The following CDH8 variants were observed in gnomAD, a reference collection of about 807,000 sequenced individuals.
CDH8 encodes cadherin-8.
In CDH8, 17 loss-of-function variants were observed where a neutral mutation model predicts 68.1. That is an observed-to-expected ratio of 0.25 (90% CI 0.17 to 0.37). The LOEUF is 0.37. Ranked by LOEUF, CDH8 falls within the 10% of genes least tolerant of loss-of-function variation. The pLI is 1.00. For synonymous variants in CDH8, 372 were observed against 365.1 expected, an observed-to-expected ratio of 1.02 and a Z score of -0.21; for missense variants, 763 against 999.3, an observed-to-expected ratio of 0.76 and a Z score of 3.19.
intron 9 of CDH8, among the ~76,000 whole-genome samples, chr16:61,722,179 G>C (rs533560143): frequency 6.6e-6 from 1 of 150,634 alleles, no homozygotes; most frequent in Admixed American, 6.7e-5. Flanking sequence ...AACAAACTGA[G>C]GTCATTGTCC....
chr16:61,791,075 A>T (rs1278910919), intron 7 of CDH8, among the ~76,000 whole-genome samples: 1 of 151,974 alleles, frequency 6.6e-6, no homozygotes, highest in Non-Finnish European at 1.5e-5. Context: ...TTTATTGAGA[A>T]ATCATTTGAA....
chr16:61,800,138 C>G (rs143776178), intron 7 of CDH8, among the ~76,000 whole-genome samples: 1 of 152,270 alleles, frequency 6.6e-6, no homozygotes, highest in Admixed American at 6.5e-5. Context: ...GTCTCTCAAC[C>G]TTAAAACTAG....
chr16:61,750,006 C>T (rs1312393785), intron 8 of CDH8, among the ~76,000 whole-genome samples: 2 of 152,010 alleles, frequency 1.3e-5, no homozygotes, highest in African/African-American at 4.8e-5. Context: ...GATCCTGTCA[C>T]CCAGGTAGTC....
chr16:61,745,416 T>C (rs1596925286), intron 8 of CDH8, among the ~76,000 whole-genome samples: 1 of 151,980 alleles, frequency 6.6e-6, no homozygotes, highest in African/African-American at 2.4e-5. Flanking sequence ...ATTTGAAAAT[T>C]TGTGACCATT....
rs755774311 is a variant in CDH8, at chr16:61,653,422, C to T, written c.*186G>A. The stretch of plus-strand genomic sequence containing the variant: ...AATTCACACTCCACAAGATTTATAA[C>T]CTCCTAACATATACTTTTTTATTTT... On this transcript the variant is annotated 3_prime_UTR_variant, in exon 12 of 12. Coordinates refer to ENST00000577390, the MANE Select transcript of CDH8 (RefSeq NM_001796.5). 2.1e-4 allele frequency: 298 copies of T among 1,395,018 alleles called. No homozygotes were observed. The highest frequency in any genetic ancestry group is 2.7e-4 in the Non-Finnish European group (291 of 1,077,898). The allele number at this position is 1,395,018 out of a possible 1,614,324, so 86.4% of individuals were successfully genotyped here. A position where few individuals can be genotyped will look rare whatever the true frequency, so the allele number is the denominator to read the frequency against.
rs1181394965 is a variant in CDH8, at chr16:61,959,984, GTATATATATATA to G, written c.253-58523_253-58512del. Among the ~76,000 whole-genome samples, 5 of 44,556 alleles carry G rather than the reference GTATATATATATA, an allele frequency of 1.1e-4. 1 individual carries two copies. Among genetic ancestry groups the G allele is most frequent in the Non-Finnish European group, 2.0e-4 (5 of 24,724 alleles). The allele number at this position is 44,556 out of a possible 152,430, so 29.2% of individuals were successfully genotyped here. A position where few individuals can be genotyped will look rare whatever the true frequency, so the allele number is the denominator to read the frequency against. On this transcript the variant is annotated intron_variant, in intron 2 of 11. Transcript: ENST00000577390. ...GTATGTGGTGTATGTGTGTGTGTGT[GTATATATATATA>G]TATATATATATATATATATACACAC...
rs1965110592 is a variant in CDH8 at position 61,960,258 on chromosome 16, T to TATATACGTGTGTGTGTATACAC, written c.253-58786_253-58785insGTGTATACACACACACGTATAT. Among the ~76,000 whole-genome samples, 38 of 51,828 alleles carry TATATACGTGTGTGTGTATACAC rather than the reference T, an allele frequency of 7.3e-4. 12 individuals carry two copies. The highest frequency in any genetic ancestry group is 1.7e-3 in the Admixed American group (9 of 5,276). The allele number at this position is 51,828 out of a possible 152,430, so 34.0% of individuals were successfully genotyped here. On this transcript the variant is annotated intron_variant, in intron 2 of 11. Transcript: ENST00000577390. ...ATATACATGTGTGTGTGTATACACA[T>TATATACGTGTGTGTGTATACAC]ACATATATACGTGTGTGTGTATACA... is the stretch of plus-strand genomic sequence containing the variant.
intron 10 of CDH8, among the ~76,000 whole-genome samples, chr16:61,658,044 C>T (rs1055524550): frequency 6.6e-6 from 1 of 152,034 alleles, no homozygotes; most frequent in Non-Finnish European, 1.5e-5. Flanking sequence ...CCTGCCAGTT[C>T]CAGGCAACAT....
At chr16:61,845,799 G>A (rs1962795147) in intron 4 of CDH8, among the ~76,000 whole-genome samples, 7 of 152,012 alleles carry the variant, frequency 4.6e-5, no homozygotes, top group South Asian at 4.1e-4. Context: ...TTCTGCCCAT[G>A]AGAACTCAAA....
At chr16:62,008,199 A>T (rs1230914018) in intron 2 of CDH8, among the ~76,000 whole-genome samples, 1 of 151,988 alleles carries the variant, frequency 6.6e-6, no homozygotes, top group Non-Finnish European at 1.5e-5. Context: ...AGCCTCCCAA[A>T]GCACTGGGAT....
At chr16:62,030,869 T>G (rs1316653318) in intron 1 of CDH8, among the ~76,000 whole-genome samples, 2 of 152,130 alleles carry the variant, frequency 1.3e-5, no homozygotes, top group African/African-American at 2.4e-5. Context: ...CCAGGTATCC[T>G]GCTGATTAAT....
chr16:61,908,482 T>A (rs1964100454), intron 2 of CDH8, among the ~76,000 whole-genome samples: 1 of 152,184 alleles, frequency 6.6e-6, no homozygotes, highest in Non-Finnish European at 1.5e-5. Flanking sequence ...ACCAAAAAGA[T>A]CAGGAGTAAG....
chr16:61,792,469 C>A (rs1961399967), intron 7 of CDH8, among the ~76,000 whole-genome samples: 2 of 151,950 alleles, frequency 1.3e-5, no homozygotes, highest in African/African-American at 4.8e-5. Flanking sequence ...CTAAACAGCA[C>A]AAAAATTCTG....
At chr16:61,817,202 C>T (rs1962094522) in intron 7 of CDH8, among the ~76,000 whole-genome samples, 1 of 152,038 alleles carries the variant, frequency 6.6e-6, no homozygotes. Flanking sequence ...ACATTTGCAA[C>T]TTTGCATTTT....
intron 4 of CDH8, 92 bp downstream of exon 4, chr16:61,857,027 T>G: frequency 6.9e-7 from 1 of 1,443,506 alleles, no homozygotes; most frequent in Non-Finnish European, 9.7e-7. Context: ...AGTGAAGTAC[T>G]TACACATAAT....
intron 2 of CDH8, among the ~76,000 whole-genome samples, chr16:61,963,024 T>C (rs1177256969): frequency 1.3e-5 from 2 of 152,242 alleles, no homozygotes; most frequent in South Asian, 2.1e-4. Context: ...AAGCACAGTT[T>C]ACCTTAAAAT....
Position 61,647,819 on chromosome 16 carries a change from A to G in CDH8, c.*5789T>C, listed in dbSNP as rs920518603. 4.3e-6 allele frequency: 3 copies of G among 699,776 alleles called. No individual in the cohort carries two copies. The highest frequency in any genetic ancestry group is 2.6e-6 in the Non-Finnish European group (1 of 383,002). 43.3% of individuals were successfully genotyped at this position (699,776 alleles called of 1,614,324 possible). A position where few individuals can be genotyped will look rare whatever the true frequency, so the allele number is the denominator to read the frequency against. On this transcript the variant is annotated 3_prime_UTR_variant, in exon 12 of 12. Transcript: ENST00000577390. ...CCTGACCTCTGAGTTCATTGAAGCC[A>G]TGGTTTTCCACAGTCTTTCTCTTCA...
At chr16:61,658,715 T>C (rs571813418) in intron 10 of CDH8, among the ~76,000 whole-genome samples, 1 of 152,268 alleles carries the variant, frequency 6.6e-6, no homozygotes, top group African/African-American at 2.4e-5. Flanking sequence ...GCTATTATTG[T>C]TCATTTGCTA....
intron 8 of CDH8, among the ~76,000 whole-genome samples, chr16:61,754,983 C>T (rs1268708756): frequency 6.6e-6 from 1 of 152,104 alleles, no homozygotes; most frequent in African/African-American, 2.4e-5. Context: ...CATGTGTACC[C>T]AATGTTTAGC....
Sources: allele counts gnomAD v4.1 joint callset (sites outside exome capture counted in the v4.1 genomes callset), GRCh38; gene constraint gnomAD v4.1.1; transcripts MANE v1.5; gene names NCBI Gene and HGNC (gene_info 2026-07-23, HGNC 2026-07-21).